BCAS3: variants seen among roughly 807,000 people sequenced by gnomAD.
BCAS3 encodes the protein BCAS4/BCAS3 fusion.
In BCAS3, 53 loss-of-function variants were observed where a neutral mutation model predicts 116.1. That is an observed-to-expected ratio of 0.46 (90% CI 0.37 to 0.57). The LOEUF (loss-of-function observed/expected upper bound fraction) is 0.57, where lower values mean the gene tolerates loss of function less well. Ranked by LOEUF, BCAS3 falls within the 20% of genes least tolerant of loss-of-function variation. The probability of loss-of-function intolerance (pLI) is 0.00; values close to 1 mark genes in which losing one functional copy is unlikely to be tolerated. For synonymous variants in BCAS3, 391 were observed against 408.2 expected (o/e 0.96, Z 0.51); for missense variants, 917 against 1,165.4 (o/e 0.79, Z 3.10).
chr17:61,273,877 G>T (rs1234374419), intron 22 of BCAS3, among the ~76,000 whole-genome samples: 1 of 146,506 alleles, frequency 6.8e-6, no homozygotes, highest in Non-Finnish European at 1.5e-5. Context: ...GTTATGTTTG[G>T]TTCTTTTTAT....
At chr17:61,093,812 A>T (rs2073788556) in intron 22 of BCAS3, among the ~76,000 whole-genome samples, 1 of 152,064 alleles carries the variant, frequency 6.6e-6, no homozygotes, top group South Asian at 2.1e-4. Context: ...GTAGATGTTT[A>T]GTAAGTTTTG....
rs2039991056 is a variant in BCAS3, at chr17:60,727,359, G to A, written c.321+18034G>A. 2.6e-6 allele frequency: 4 copies of A among 1,528,250 alleles called. No individual in the cohort carries two copies. The African/African-American group carries it at 4.1e-5, about 16-fold the overall frequency. The allele number at this position is 1,528,250 out of a possible 1,614,324, so 94.7% of individuals were successfully genotyped here. A position where few individuals can be genotyped will look rare whatever the true frequency, so the allele number is the denominator to read the frequency against. On this transcript the variant is annotated intron_variant, in intron 5 of 23. Coordinates refer to ENST00000407086, the MANE Select transcript of BCAS3 (RefSeq NM_017679.5). ...TGCCCACCATAGCCACTCTGCTTCC[G>A]ATCATAGCGCCTCTTTCCCTGGGCA... is the stretch of plus-strand genomic sequence containing the variant.
intron 22 of BCAS3, among the ~76,000 whole-genome samples, chr17:61,107,560 C>T (rs1177177676): frequency 6.6e-6 from 1 of 152,150 alleles, no homozygotes; most frequent in African/African-American, 2.4e-5. Flanking sequence ...CTATTCATCT[C>T]TATAATTTTG....
Position 61,324,634 on chromosome 17 carries a change from C to T in BCAS3, c.2426-43693C>T, listed in dbSNP as rs957774714. Among the ~76,000 whole-genome samples the T allele has an allele frequency of 6.6e-6, 1 of 152,152 alleles. No homozygotes were observed. Among genetic ancestry groups the T allele is most frequent in the Non-Finnish European group, 1.5e-5 (1 of 68,036 alleles). On this transcript the variant is annotated intron_variant, in intron 22 of 23. Transcript: ENST00000407086. This position sits in a 1 kb window ranked among gnomAD's most constrained non-coding sequence, Gnocchi z 4.6. The stretch of plus-strand genomic sequence containing the variant: ...CTGGGGTCAGCAGCCTGGCGTCCAG[C>T]CCTGCCAGCCACTAGCTGTTTGACC...
intron 22 of BCAS3, among the ~76,000 whole-genome samples, chr17:61,330,789 T>C (rs1432271447): frequency 1.3e-5 from 2 of 152,250 alleles, no homozygotes; most frequent in Non-Finnish European, 2.9e-5. Context: ...ACTATCACTG[T>C]ACTCCATAGC....
At position 61,259,277 on chromosome 17, in the gene BCAS3, G is replaced by T. The variant is rs999884672; in HGVS notation, c.2426-109050G>T. On this transcript the variant is annotated intron_variant, in intron 22 of 23. Transcript: ENST00000407086. This position sits in a 1 kb window ranked among gnomAD's most constrained non-coding sequence, Gnocchi z 4.7. The stretch of plus-strand genomic sequence containing the variant: ...AGCAGAGCTCACAGAACTAATCTGT[G>T]TTGATCTGTCTTCTTCTTGAGGGCA... Among the ~76,000 whole-genome samples, 1 of 152,158 alleles carries T rather than the reference G, an allele frequency of 6.6e-6. No homozygotes were observed. The highest frequency in any genetic ancestry group is 2.4e-5 in the African/African-American group (1 of 41,436).
chr17:61,388,776 G>T lies in BCAS3; in HGVS notation c.2594-3201G>T, dbSNP rs1872959122. On this transcript the variant is annotated intron_variant, in intron 23 of 23. Coordinates refer to ENST00000407086, the MANE Select transcript of BCAS3 (RefSeq NM_017679.5). The surrounding 1 kb of genome is among the most constrained non-coding windows in gnomAD (Gnocchi z 6.5). ...GGCGGCCGGGATGACTTGGAGGGGG[G>T]AATCTGAGCAGCCCTCCTCCCCTCC... 7.1e-7 allele frequency: 1 copy of T among 1,407,196 alleles called. No individual in the cohort carries two copies. Among genetic ancestry groups the T allele is most frequent in the Non-Finnish European group, 9.7e-7 (1 of 1,034,734 alleles). The allele number at this position is 1,407,196 out of a possible 1,614,324, so 87.2% of individuals were successfully genotyped here.
chr17:60,684,282 A>G (rs986083000), intron 3 of BCAS3, among the ~76,000 whole-genome samples: 1 of 152,148 alleles, frequency 6.6e-6, no homozygotes, highest in Non-Finnish European at 1.5e-5. Context: ...TTGTTAGTAG[A>G]GATTTGAGAC....
chr17:60,934,284 C>T (rs1181388715), intron 13 of BCAS3, among the ~76,000 whole-genome samples: 1 of 152,140 alleles, frequency 6.6e-6, no homozygotes, highest in Non-Finnish European at 1.5e-5. Flanking sequence ...TTCTTCATCA[C>T]TATTGCCACA....
chr17:61,386,777 T>TA (rs371493779), intron 23 of BCAS3, among the ~76,000 whole-genome samples: 1 of 145,902 alleles, frequency 6.9e-6, no homozygotes, highest in Admixed American at 7.2e-5. Flanking sequence ...CTTACTGTTT[T>TA]TTTTTGTTTT....
chr17:60,927,245 C>A (rs1599740208), intron 13 of BCAS3, among the ~76,000 whole-genome samples: 1 of 150,670 alleles, frequency 6.6e-6, no homozygotes. Flanking sequence ...TTCTTTCTTT[C>A]TTTTTTTGTT....
At position 61,019,398 on chromosome 17, in the gene BCAS3, C is replaced by T. The variant is rs371317870; in HGVS notation, c.1637+3497C>T. ...CTCTCTGAAGAGTTTGTTGATTATA[C>T]CTGGAAACTACTATTGACTTTTCTG... On this transcript the variant is annotated intron_variant, in intron 16 of 23. Transcript: ENST00000407086. This position sits in a 1 kb window ranked among gnomAD's most constrained non-coding sequence, Gnocchi z 5.6. 6.6e-6 allele frequency among the ~76,000 whole-genome samples: 1 copy of T among 152,104 alleles called. No homozygotes were observed. The highest frequency in any genetic ancestry group is 1.5e-5 in the Non-Finnish European group (1 of 68,016).
rs1382322286 is a variant in BCAS3 at position 61,178,434 on chromosome 17, ATTC to A, written c.2425+93876_2425+93878del. Among the ~76,000 whole-genome samples, 4 of 152,174 alleles carry A rather than the reference ATTC, an allele frequency of 2.6e-5. No homozygotes were observed. The East Asian group carries it at 7.7e-4, about 29-fold the overall frequency. On this transcript the variant is annotated intron_variant, in intron 22 of 23. Coordinates refer to ENST00000407086, the MANE Select transcript of BCAS3 (RefSeq NM_017679.5). ...TTCTTCCATTAGCTTGACTAGAGTTATTCTTCTTTTTTTAATGTGAATTATGAT... is the reference window on the plus strand; with the variant it reads ...TTCTTCCATTAGCTTGACTAGAGTTATTCTTTTTTTAATGTGAATTATGAT...
At chr17:60,747,078 GTGTA>G (rs1454275331) in intron 5 of BCAS3, 116 bp from the exon 6 acceptor site, 3 of 611,250 alleles carry the variant, frequency 4.9e-6, no homozygotes, top group Non-Finnish European at 8.6e-6. Context: ...ATGGGTGTGG[GTGTA>G]TGTATATATA....
intron 7 of BCAS3, among the ~76,000 whole-genome samples, chr17:60,813,053 A>G (rs2048983842): frequency 6.6e-6 from 1 of 152,068 alleles, no homozygotes; most frequent in South Asian, 2.1e-4. Flanking sequence ...CAATCATATT[A>G]TTCTTATTTT....
intron 12 of BCAS3, among the ~76,000 whole-genome samples, chr17:60,917,915 T>C (rs1471930244): frequency 6.6e-6 from 1 of 152,204 alleles, no homozygotes; most frequent in Non-Finnish European, 1.5e-5. Context: ...TTTTGAATAA[T>C]GCTTGTGTGA....
chr17:60,932,306 A>G (rs1253052709), intron 13 of BCAS3, among the ~76,000 whole-genome samples: 2 of 152,232 alleles, frequency 1.3e-5, no homozygotes, highest in African/African-American at 4.8e-5. Context: ...TGTACATTGA[A>G]TAATTACAAT....
intron 22 of BCAS3, among the ~76,000 whole-genome samples, chr17:61,202,194 G>A (rs530439491): frequency 7.0e-6 from 1 of 142,208 alleles, no homozygotes; most frequent in Non-Finnish European, 1.5e-5. Context: ...TTGGAGTGCA[G>A]TGGTGTGATC....
Position 61,364,488 on chromosome 17 carries a change from G to A in BCAS3, c.2426-3839G>A, listed in dbSNP as rs1432144073. Among the ~76,000 whole-genome samples, 1 of 152,176 alleles carries A rather than the reference G, an allele frequency of 6.6e-6. No homozygotes were observed. Among genetic ancestry groups the A allele is most frequent in the Non-Finnish European group, 1.5e-5 (1 of 68,034 alleles). On this transcript the variant is annotated intron_variant, in intron 22 of 23. Coordinates refer to ENST00000407086, the MANE Select transcript of BCAS3 (RefSeq NM_017679.5). This position sits in a 1 kb window ranked among gnomAD's most constrained non-coding sequence, Gnocchi z 5.4. ...TCCAGCACTTTGGGAGGCGAAGGTG[G>A]GTGGATCACTTGAGCACAGGAGTTT...
Sources: allele counts gnomAD v4.1 joint callset (sites outside exome capture counted in the v4.1 genomes callset), GRCh38; gene constraint gnomAD v4.1.1; non-coding constraint Gnocchi (gnomAD v3.1); transcripts MANE v1.5; gene names NCBI Gene and HGNC (gene_info 2026-07-23, HGNC 2026-07-21).